Variants in USH2A observed in about 807,000 individuals in gnomAD.
USH2A encodes the protein Usher syndrome 2A (autosomal recessive, mild).
USH2A carries 443 observed loss-of-function variants against 538.9 expected under a neutral mutation model. The ratio of observed to expected loss-of-function variants is 0.82; its 90% CI spans 0.76 to 0.89. USH2A has a LOEUF of 0.89. Ranked by LOEUF, USH2A falls within the 40% of genes least tolerant of loss-of-function variation. The pLI, the probability that USH2A is intolerant of heterozygous loss-of-function variation, is 0.00. For synonymous variants in USH2A, 2,413 were observed against 2,273.5 expected, an observed-to-expected ratio of 1.06 and a Z score of -1.75; for missense variants, 6,633 against 6,324.8, an observed-to-expected ratio of 1.05 and a Z score of -1.65.
At chr1:216,061,359 A>G (rs1201329121) in intron 30 of USH2A, among the ~76,000 whole-genome samples, 1 of 152,160 alleles carries the variant, frequency 6.6e-6, no homozygotes, top group African/African-American at 2.4e-5. Context: ...TTGTCATCTT[A>G]TGATATTCCT....
intron 49 of USH2A, among the ~76,000 whole-genome samples, chr1:215,805,418 G>C (rs1042130419): frequency 2.0e-5 from 3 of 152,126 alleles, no homozygotes; most frequent in Non-Finnish European, 2.9e-5. Context: ...GTGGTTTCCA[G>C]GGGTTGAAGA....
Position 215,889,011 on chromosome 1 carries a change from T to G in USH2A, c.7638A>C (p.Ser2546=). 1 of 1,614,040 alleles carries G rather than the reference T, an allele frequency of 6.2e-7. No homozygotes were observed. The highest frequency in any genetic ancestry group is 2.2e-5 in the East Asian group (1 of 44,850). The change falls in exon 41 of 72, where the codon TCA becomes TCC. Residue 2546 remains serine, a synonymous_variant. Transcript: ENST00000307340. ...VVPPILLDVK[S]RMMLVTWQHP... ...GCTGCCAGGTGACCAACATCATTCT[T>G]GACTTCACATCCAGAAGAATCGGAG...
At chr1:216,377,869 A>AAGAG (rs2038863871) in intron 3 of USH2A, among the ~76,000 whole-genome samples, 1 of 143,422 alleles carries the variant, frequency 7.0e-6, no homozygotes, top group African/African-American at 2.5e-5. Context: ...GAAAGAAAGA[A>AAGAG]GGAAAGAAAG....
intron 4 of USH2A, among the ~76,000 whole-genome samples, chr1:216,346,337 A>G (rs2038175469): frequency 6.6e-6 from 1 of 152,112 alleles, no homozygotes. Context: ...TTGAGAAAAA[A>G]CATCTGTTTT....
At chr1:216,109,303 T>C (rs2032809627) in intron 21 of USH2A, among the ~76,000 whole-genome samples, 1 of 152,152 alleles carries the variant, frequency 6.6e-6, no homozygotes, top group African/African-American at 2.4e-5. Flanking sequence ...GGCTACATTG[T>C]TGTCTAAGGG....
chr1:216,125,391 C>G (rs17026130), intron 21 of USH2A, among the ~76,000 whole-genome samples: 6,378 of 152,196 alleles, frequency 0.042, 238 homozygotes, highest in East Asian at 0.19. Context: ...TCCAATCTGC[C>G]ATGTTCTAGA....
chr1:215,930,426 A>C (rs1181309159), intron 38 of USH2A, among the ~76,000 whole-genome samples: 1 of 151,888 alleles, frequency 6.6e-6, no homozygotes, highest in Non-Finnish European at 1.5e-5. Context: ...TTAAGTCTGG[A>C]GGCAAAATGC....
intron 11 of USH2A, among the ~76,000 whole-genome samples, chr1:216,277,616 G>T (rs954860626): frequency 6.6e-6 from 1 of 152,070 alleles, no homozygotes; most frequent in African/African-American, 2.4e-5. Flanking sequence ...GAGATGACAT[G>T]CTCCCCATCA....
rs754800723 is a variant in USH2A at position 215,634,474 on chromosome 1, C to T, written c.15282G>A (p.Pro5094=). ...KRMSPLNVYP[P]GENHMGLADT... The stretch of plus-strand genomic sequence containing the variant: ...ACAAACATACCATATGGTTTTCCCC[C>T]GGTGGGTAAACATTCAATGGAGACA... Residue 5094 remains proline, a synonymous_variant, in exon 70 of 72, where the codon CCG becomes CCA. Transcript: ENST00000307340. 15 of 1,614,170 alleles carry T rather than the reference C, an allele frequency of 9.3e-6. No individual in the cohort carries two copies. The highest frequency in any genetic ancestry group is 2.7e-5 in the African/African-American group (2 of 75,040).
chr1:216,198,611 G>A (rs762414080), intron 17 of USH2A, 27 bp from the exon 18 acceptor site: 55 of 1,603,154 alleles, frequency 3.4e-5, no homozygotes, highest in East Asian at 6.7e-5. Flanking sequence ...GTGAACCTAC[G>A]TAACTCATCA....
chr1:215,890,131 C>T (rs953056988), intron 40 of USH2A, among the ~76,000 whole-genome samples: 2 of 152,152 alleles, frequency 1.3e-5, no homozygotes, highest in East Asian at 1.9e-4. Context: ...TTATAAACCA[C>T]GGCCTGAAAT....
intron 46 of USH2A, 42 bp downstream of exon 46, chr1:215,844,252 A>T (rs751363592): frequency 2.5e-6 from 4 of 1,591,416 alleles, no homozygotes; most frequent in African/African-American, 1.3e-5. Context: ...TGTTTTATTT[A>T]ACATATCCAT....
chr1:215,979,858 CT>C (rs1479708351), intron 35 of USH2A, among the ~76,000 whole-genome samples: 1 of 152,152 alleles, frequency 6.6e-6, no homozygotes, highest in Non-Finnish European at 1.5e-5. Flanking sequence ...CTAACTTACC[CT>C]TCTGTTCCTG....
chr1:216,210,222 A>G (rs1341759013), intron 15 of USH2A, among the ~76,000 whole-genome samples: 1 of 152,040 alleles, frequency 6.6e-6, no homozygotes, highest in Non-Finnish European at 1.5e-5. Flanking sequence ...CAAAAGAATG[A>G]GGGTCGTGAT....
At chr1:215,833,399 G>T (rs1192530857) in intron 47 of USH2A, among the ~76,000 whole-genome samples, 2 of 151,810 alleles carry the variant, frequency 1.3e-5, no homozygotes, top group African/African-American at 4.8e-5. Flanking sequence ...CCTACAAAAC[G>T]TGTTTAAATT....
chr1:216,170,736 G>A (rs1453935024), intron 21 of USH2A, among the ~76,000 whole-genome samples: 1 of 151,994 alleles, frequency 6.6e-6, no homozygotes, highest in Non-Finnish European at 1.5e-5. Flanking sequence ...TTTTTACCAG[G>A]TTCCACTTGG....
intron 35 of USH2A, among the ~76,000 whole-genome samples, chr1:215,976,060 T>C (rs1209819507): frequency 5.3e-5 from 8 of 152,154 alleles, no homozygotes; most frequent in Non-Finnish European, 1.2e-4. Context: ...CCTAGGAATT[T>C]ACTGTTTTGT....
chr1:215,783,023 A>T (rs932442600), intron 52 of USH2A, 88 bp from the exon 53 acceptor site: 6 of 1,281,980 alleles, frequency 4.7e-6, no homozygotes, highest in Non-Finnish European at 6.5e-6. Context: ...AACTTTAGAC[A>T]TTTAAAAATA....
intron 38 of USH2A, among the ~76,000 whole-genome samples, chr1:215,925,667 C>T (rs1280773477): frequency 1.3e-5 from 2 of 152,160 alleles, no homozygotes; most frequent in African/African-American, 4.8e-5. Flanking sequence ...AATATACCAT[C>T]TTAGCCTATT....
Sources: gnomAD v4.1 joint callset for allele counts (sites outside exome capture counted in the v4.1 genomes callset) on GRCh38, gnomAD v4.1.1 for gene constraint, MANE v1.5 for transcripts, NCBI Gene and HGNC (gene_info 2026-07-23, HGNC 2026-07-21) for gene names.